Variants in SCRIB observed in about 807,000 individuals in gnomAD.
SCRIB encodes protein scribble homolog.
A neutral mutation model predicts 170.0 loss-of-function variants in SCRIB; 72 were observed. The observed-to-expected ratio is 0.42, with a 90% confidence interval of 0.35 to 0.52. SCRIB has a LOEUF of 0.52. Among genes scored for constraint, SCRIB ranks in the 20% least tolerant of loss-of-function variants. The probability of loss-of-function intolerance (pLI) is 0.02; values close to 1 mark genes in which losing one functional copy is unlikely to be tolerated. For synonymous variants in SCRIB, 1,298 were observed against 1,044.3 expected, an observed-to-expected ratio of 1.24 and a Z score of -4.68; for missense variants, 2,475 against 2,338.5, an observed-to-expected ratio of 1.06 and a Z score of -1.20.
Position 143,815,286 on chromosome 8 carries a change from C to A in SCRIB, c.87G>T (p.Glu29Asp). The change falls in exon 1 of 37, where the codon GAG becomes GAT. Residue 29 changes from glutamate (E) to aspartate (D), a missense_variant. Coordinates refer to ENST00000356994, the MANE Select transcript of SCRIB (RefSeq NM_182706.5). Reference sequence around the variant, plus strand: ...GGCTGCGGCTGTAGCGGTAGATCTCCTCCGGCACGGCCTGCAGCGAACAGT... The same window carrying A: ...GGCTGCGGCTGTAGCGGTAGATCTCATCCGGCACGGCCTGCAGCGAACAGT... ...KRHCSLQAVP[E>D]EIYRYSRSLE... 1 of 1,597,078 alleles carries A rather than the reference C, an allele frequency of 6.3e-7. No individual in the cohort carries two copies. The highest frequency in any genetic ancestry group is 8.5e-7 in the Non-Finnish European group (1 of 1,174,634).
At chr8:143,793,859 C>A in intron 28 of SCRIB, 41 bp downstream of exon 28, 1 of 1,601,708 alleles carries the variant, frequency 6.2e-7, no homozygotes, top group Non-Finnish European at 8.5e-7. Context: ...GCCCTGCCCT[C>A]CACCCACCAT....
intron 5 of SCRIB, 32 bp downstream of exon 5, chr8:143,813,438 C>T (rs775095478): frequency 8.1e-6 from 13 of 1,613,196 alleles, no homozygotes; most frequent in South Asian, 5.5e-5. Flanking sequence ...TGGCCCTGCC[C>T]TGGCTGTTAG....
At chr8:143,795,238 C>T (rs782037300) in intron 26 of SCRIB, 39 bp downstream of exon 26, 2 of 1,611,592 alleles carry the variant, frequency 1.2e-6, no homozygotes. Context: ...CACCCCGCTC[C>T]AGTGCCCTGA....
intron 9 of SCRIB, 119 bp from the exon 10 acceptor site, chr8:143,811,464 G>A (rs924839931): frequency 2.4e-6 from 2 of 849,950 alleles, no homozygotes; most frequent in African/African-American, 1.7e-5. Context: ...GTCCCTCACA[G>A]CCCCTGGAGA....
At chr8:143,809,869 G>A (rs1317187877) in intron 13 of SCRIB, 151 bp from the exon 14 acceptor site, 1 of 870,418 alleles carries the variant, frequency 1.1e-6, no homozygotes, top group African/African-American at 1.7e-5. Flanking sequence ...GCTGCTCCCT[G>A]TCCCAGCCTG....
chr8:143,795,069 G>C lies in SCRIB; in HGVS notation c.3815C>G (p.Ala1272Gly), dbSNP rs1554633799. 1 of 1,611,162 alleles carries C rather than the reference G, an allele frequency of 6.2e-7. No homozygotes were observed. Among genetic ancestry groups the C allele is most frequent in the Admixed American group, 1.7e-5 (1 of 59,962 alleles). The change falls in exon 27 of 37, where the codon GCC (alanine) becomes GGC (glycine). Residue 1272 changes from alanine to glycine, a missense_variant. By Grantham distance (60) the Ala-to-Gly change is moderately conservative. Coordinates refer to ENST00000356994, the MANE Select transcript of SCRIB (RefSeq NM_182706.5). ...QPLKLDYRAL[A>G]AVPSAGSVQR... ...CACGCTGCCAGCGCTGGGCACGGCG[G>C]CCAGGGCGCGGTAGTCCAGCTTCAG...
chr8:143,804,699 G>C lies in SCRIB; in HGVS notation c.2878C>G (p.Pro960Ala). ...GCAGCGGTGGGGGGTGAGGAATGTGGCAGAGGGCTGGGAGGAAGAGGGCCC... is the reference window on the plus strand; with the variant it reads ...GCAGCGGTGGGGGGTGAGGAATGTGCCAGAGGGCTGGGAGGAAGAGGGCCC... ...AGGPLPPSPL[P>A]HSSPPTAAVA... Residue 960 changes from proline to alanine, a missense_variant, in exon 21 of 37, where the codon CCA becomes GCA. Physicochemically the swap from Pro to Ala is conservative, Grantham distance 27. Around this residue, in one of 3 missense-constraint regions of SCRIB, gnomAD observed 1,966 missense variants for 1,742.9 expected, o/e 1.13. Transcript: ENST00000356994. The C allele has an allele frequency of 6.4e-7, 1 of 1,574,674 alleles. No individual in the cohort carries two copies. The highest frequency in any genetic ancestry group is 8.6e-7 in the Non-Finnish European group (1 of 1,158,280).
Position 143,814,049 on chromosome 8 carries a change from C to T in SCRIB, c.229G>A (p.Glu77Lys), listed in dbSNP as rs1815893901. Residue 77 changes from glutamate to lysine, a missense_variant, in exon 2 of 37, where the codon GAG (glutamate) becomes AAG (lysine). This residue lies in a region of SCRIB where 487 missense variants were observed against 558.1 expected (regional missense o/e 0.87). Coordinates refer to ENST00000356994, the MANE Select transcript of SCRIB (RefSeq NM_182706.5). ...SDNEIQRLPP[E>K]VANFMQLVEL... Reference sequence around the variant, plus strand: ...ACCAGCTGCATGAAGTTGGCCACCTCGGGAGGCAACCGCTGGATCTCGTTG... The same window carrying T: ...ACCAGCTGCATGAAGTTGGCCACCTTGGGAGGCAACCGCTGGATCTCGTTG... 2 of 1,560,468 alleles carry T rather than the reference C, an allele frequency of 1.3e-6. No homozygotes were observed. Among genetic ancestry groups the T allele is most frequent in the African/African-American group, 1.4e-5 (1 of 73,600 alleles).
At position 143,815,241 on chromosome 8, in the gene SCRIB, G is replaced by A. The variant is rs1466993253; in HGVS notation, c.132C>T (p.Asp44=). The part of the protein sequence containing the change: ...YSRSLEELLL[D]ANQLRELPKP... Reference sequence around the variant, plus strand: ...TGGGCAGCTCGCGCAGCTGGTTGGCGTCGAGCAGCAGCTCCTCCAGGCTGC... The same window carrying A: ...TGGGCAGCTCGCGCAGCTGGTTGGCATCGAGCAGCAGCTCCTCCAGGCTGC... The change falls in exon 1 of 37, where the codon GAC becomes GAT. Residue 44 remains aspartate, a synonymous_variant. Transcript: ENST00000356994. 1.9e-6 allele frequency: 3 copies of A among 1,593,096 alleles called. No homozygotes were observed. Among genetic ancestry groups the A allele is most frequent in the Admixed American group, 1.7e-5 (1 of 59,270 alleles).
chr8:143,803,585 T>C lies in SCRIB; in HGVS notation c.3415-14A>G. On this transcript the variant is annotated splice_polypyrimidine_tract_variant and intron_variant, in intron 23 of 36. Transcript: ENST00000356994. Reference sequence around the variant, plus strand: ...CGTGGGGCTCACCTGTGGGGAGACGTGGTATGGGAGAGACCTGTTGGGGGG... The same window carrying C: ...CGTGGGGCTCACCTGTGGGGAGACGCGGTATGGGAGAGACCTGTTGGGGGG... 7.0e-7 allele frequency: 1 copy of C among 1,437,410 alleles called. No homozygotes were observed. Among genetic ancestry groups the C allele is most frequent in the Non-Finnish European group, 9.2e-7 (1 of 1,084,758 alleles). 89.0% of individuals were successfully genotyped at this position (1,437,410 alleles called of 1,614,324 possible).
intron 24 of SCRIB, among the ~76,000 whole-genome samples, chr8:143,798,975 GATCAAGGGAC>G (rs1236300834): frequency 1.3e-5 from 2 of 152,210 alleles, no homozygotes; most frequent in Admixed American, 1.3e-4. Flanking sequence ...CTCGCTGCCT[GATCAAGGGAC>G]ATCAAGGGAA....
At position 143,792,960 on chromosome 8, in the gene SCRIB, T is replaced by A; in HGVS notation, c.4017+16A>T. The A allele has an allele frequency of 6.7e-7, 1 of 1,499,056 alleles. No homozygotes were observed. Among genetic ancestry groups the A allele is most frequent in the Non-Finnish European group, 8.9e-7 (1 of 1,125,676 alleles). 92.9% of individuals were successfully genotyped at this position (1,499,056 alleles called of 1,614,324 possible). A position where few individuals can be genotyped will look rare whatever the true frequency, so the allele number is the denominator to read the frequency against. ...CCCAACCACGCGCAGCAGGGAGGCG[T>A]GCTGCCCCCACACACCTGGGCAGGG... On this transcript the variant is annotated intron_variant, in intron 29 of 36. Transcript: ENST00000356994.
intron 16 of SCRIB, among the ~76,000 whole-genome samples, chr8:143,807,267 GC>G (rs1815470226): frequency 1.3e-5 from 2 of 152,160 alleles, no homozygotes; most frequent in South Asian, 4.1e-4. Context: ...GTGGCCCGAG[GC>G]CCCCCTGCCA....
chr8:143,804,779 G>A lies in SCRIB; in HGVS notation c.2798C>T (p.Ser933Phe), dbSNP rs1321709201. The A allele has an allele frequency of 1.2e-6, 2 of 1,601,744 alleles. No individual in the cohort carries two copies. The highest frequency in any genetic ancestry group is 1.7e-6 in the Non-Finnish European group (2 of 1,176,974). ...GGTGGGGGAGGCAGCGGTCAGCAGG[G>A]AGACGGCGTGGTCATGCCTGGCCTC... is the stretch of plus-strand genomic sequence containing the variant. ...VTEARHDHAV[S>F]LLTAASPTIA... The change falls in exon 21 of 37, where the codon TCC (serine) becomes TTC (phenylalanine). Residue 933 changes from serine to phenylalanine, a missense_variant. This residue lies in a region of SCRIB where 1,966 missense variants were observed against 1,742.9 expected (regional missense o/e 1.13). Transcript: ENST00000356994.
intron 28 of SCRIB, 200 bp from the exon 29 acceptor site, chr8:143,793,283 G>A: frequency 2.1e-6 from 1 of 467,646 alleles, no homozygotes; most frequent in Non-Finnish European, 3.7e-6. Flanking sequence ...CTGCCCCTGG[G>A]GGCTGGGGAG....
rs1815323906 is a variant in SCRIB, at chr8:143,804,557, T to C, written c.3009+11A>G. The C allele has an allele frequency of 6.7e-7, 1 of 1,491,510 alleles. No individual in the cohort carries two copies. The highest frequency in any genetic ancestry group is 8.9e-7 in the Non-Finnish European group (1 of 1,127,088). 92.4% of individuals were successfully genotyped at this position (1,491,510 alleles called of 1,614,324 possible). A position where few individuals can be genotyped will look rare whatever the true frequency, so the allele number is the denominator to read the frequency against. ...GCTGGGTGGGTGCCTGGGTGGGGGC[T>C]TGTGTCTCACCTCCACTGGGTATGG... On this transcript the variant is annotated intron_variant, in intron 21 of 36. Coordinates refer to ENST00000356994, the MANE Select transcript of SCRIB (RefSeq NM_182706.5).
In SCRIB at chr8:143,803,396, T is replaced by A; in HGVS notation, c.3590A>T (p.Asp1197Val). ...LVCDGFEASTDAALEVSPGVI... is the reference protein window; with the variant it reads ...LVCDGFEASTVAALEVSPGVI... ...GGGATCGCTAACCTCCAGGGCTGCG[T>A]CGGTGCTGGCCTCAAAGCCGTCACA... is the stretch of plus-strand genomic sequence containing the variant. The change falls in exon 24 of 37, where the codon GAC becomes GTC. Residue 1197 changes from aspartate to valine, a missense_variant. Physicochemically the swap from Asp to Val is radical, Grantham distance 152. Transcript: ENST00000356994. The A allele has an allele frequency of 6.3e-7, 1 of 1,580,408 alleles. No individual in the cohort carries two copies. The highest frequency in any genetic ancestry group is 8.6e-7 in the Non-Finnish European group (1 of 1,166,444).
intron 24 of SCRIB, among the ~76,000 whole-genome samples, chr8:143,802,178 C>G (rs940816517): frequency 6.6e-6 from 1 of 152,266 alleles, no homozygotes; most frequent in Non-Finnish European, 1.5e-5. Context: ...CACCAGGACT[C>G]CCTCAAGGAC....
At position 143,793,156 on chromosome 8, in the gene SCRIB, GCTGTCCCCCCGC is replaced by G. The variant is rs1220561965; in HGVS notation, c.3910-85_3910-74del. 268 of 839,544 alleles carry G rather than the reference GCTGTCCCCCCGC, an allele frequency of 3.2e-4. 2 individuals carry two copies. Among genetic ancestry groups the G allele is most frequent in the South Asian group, 1.0e-3 (44 of 43,872 alleles). 52.0% of individuals were successfully genotyped at this position (839,544 alleles called of 1,614,324 possible). A position where few individuals can be genotyped will look rare whatever the true frequency, so the allele number is the denominator to read the frequency against. On this transcript the variant is annotated intron_variant, in intron 28 of 36. Transcript: ENST00000356994. Reference sequence around the variant, plus strand: ...TGCAGCTGTGTGCAACTCACCACCGGCTGTCCCCCCGCCTGTCCCCCCGCCTGCCTTTGATCC... The same window carrying G: ...TGCAGCTGTGTGCAACTCACCACCGGCTGTCCCCCCGCCTGCCTTTGATCC...
Sources: gnomAD v4.1 joint callset for allele counts (sites outside exome capture counted in the v4.1 genomes callset) on GRCh38, gnomAD v4.1.1 for gene constraint, gnomAD v4.1.1 regional missense constraint, MANE v1.5 for transcripts, NCBI Gene and HGNC (gene_info 2026-07-23, HGNC 2026-07-21) for gene names.